IL12RB2: variants seen among roughly 807,000 people sequenced by gnomAD.
IL12RB2 encodes interleukin-12 receptor subunit beta-2.
A neutral mutation model predicts 89.4 loss-of-function variants in IL12RB2; 82 were observed. The ratio of observed to expected loss-of-function variants is 0.92; its 90% confidence interval spans 0.77 to 1.10. The LOEUF (loss-of-function observed/expected upper bound fraction) is 1.10, where lower values mean the gene tolerates loss of function less well. Among genes scored for constraint, IL12RB2 ranks in the 50% least tolerant of loss-of-function variants. The probability of loss-of-function intolerance (pLI) is 0.00; values close to 1 mark genes in which losing one functional copy is unlikely to be tolerated. For synonymous variants in IL12RB2, 368 were observed against 370.1 expected, an observed-to-expected ratio of 0.99 and a Z score of 0.07; for missense variants, 963 against 1,031.9, an observed-to-expected ratio of 0.93 and a Z score of 0.92.
At chr1:67,326,876 C>T in intron 5 of IL12RB2, 27 bp downstream of exon 5, 1 of 1,398,542 alleles carries the variant, frequency 7.2e-7, no homozygotes, top group East Asian at 2.5e-5. Flanking sequence ...ATTTTTGCAG[C>T]TGTTTTGTAG....
At position 67,330,828 on chromosome 1, in the gene IL12RB2, A is replaced by T. The variant is rs769155518; in HGVS notation, c.958+18A>T. 2.8e-6 allele frequency: 4 copies of T among 1,410,126 alleles called. No individual in the cohort carries two copies. Among genetic ancestry groups the T allele is most frequent in the Non-Finnish European group, 4.0e-6 (4 of 994,252 alleles). 87.4% of individuals were successfully genotyped at this position (1,410,126 alleles called of 1,614,324 possible). On this transcript the variant is annotated intron_variant, in intron 8 of 16. Coordinates refer to ENST00000674203, the MANE Select transcript of IL12RB2 (RefSeq NM_001374259.2). ...AGAAGAAGGTATATGTCCAAAATAT[A>T]CATACCTATCGGGGAGCAATAAAGG...
chr1:67,373,375 G>A (rs1050285910), intron 13 of IL12RB2, among the ~76,000 whole-genome samples: 5 of 152,238 alleles, frequency 3.3e-5, no homozygotes, highest in African/African-American at 1.2e-4. Flanking sequence ...CTCCCAAAGT[G>A]CTGTGATTAC....
rs755373990 is a variant in IL12RB2 at position 67,379,980 on chromosome 1, T to C, written c.1718-6T>C. 5 of 1,603,572 alleles carry C rather than the reference T, an allele frequency of 3.1e-6. No individual in the cohort carries two copies. The East Asian group carries it at 1.1e-4, about 36-fold the overall frequency. ...ACATGCCTTTCTTCCTTTATCTTCC[T>C]TTCAGAAATTCCCTACAGAGTCTCC... On this transcript the variant is annotated splice_polypyrimidine_tract_variant and splice_region_variant and intron_variant, in intron 13 of 16. Coordinates refer to ENST00000674203, the MANE Select transcript of IL12RB2 (RefSeq NM_001374259.2).
At chr1:67,388,246 T>C (rs1665434891) in intron 15 of IL12RB2, among the ~76,000 whole-genome samples, 1 of 152,182 alleles carries the variant, frequency 6.6e-6, no homozygotes, top group African/African-American at 2.4e-5. Flanking sequence ...GCCAAGTGCA[T>C]TGTCGTCCTA....
At chr1:67,381,724 C>T (rs541477798) in intron 14 of IL12RB2, among the ~76,000 whole-genome samples, 7 of 151,336 alleles carry the variant, frequency 4.6e-5, no homozygotes, top group South Asian at 4.2e-4. Context: ...CGAGATGGCA[C>T]CACTGCCCTC....
At chr1:67,390,255 T>G in intron 16 of IL12RB2, 127 bp downstream of exon 16, 1 of 678,278 alleles carries the variant, frequency 1.5e-6, no homozygotes, top group Admixed American at 2.0e-5. Context: ...TATTCACGCT[T>G]GGCTACCACT....
chr1:67,378,447 C>T (rs1329550793), intron 13 of IL12RB2, among the ~76,000 whole-genome samples: 1 of 147,274 alleles, frequency 6.8e-6, no homozygotes, highest in Non-Finnish European at 1.5e-5. Flanking sequence ...CAAATCTAAT[C>T]TAAGTATCGG....
chr1:67,320,444 G>A lies in IL12RB2; in HGVS notation c.76G>A (p.Asp26Asn). 7 of 1,613,730 alleles carry A rather than the reference G, an allele frequency of 4.3e-6. No homozygotes were observed. Among genetic ancestry groups the A allele is most frequent in the South Asian group, 1.1e-5 (1 of 91,074 alleles). Residue 26 changes from aspartate to asparagine, a missense_variant and splice_region_variant, in exon 3 of 17, where the codon GAT (aspartate) becomes AAT (asparagine). Coordinates refer to ENST00000674203, the MANE Select transcript of IL12RB2 (RefSeq NM_001374259.2). ...ITWLLIKAKI[D>N]ACKRGDVTVK... ...GTGGCTGTTGATTAAAGCAAAAATA[G>A]GTAAGATATTTCTGTAAGTTACTCT...
chr1:67,360,507 A>G (rs976197333), intron 10 of IL12RB2, among the ~76,000 whole-genome samples: 10 of 151,974 alleles, frequency 6.6e-5, no homozygotes, highest in African/African-American at 1.9e-4. Flanking sequence ...AAAATACATC[A>G]GAGTTGGCCA....
At chr1:67,394,752 G>C (rs1666186981) in intron 16 of IL12RB2, among the ~76,000 whole-genome samples, 1 of 152,118 alleles carries the variant, frequency 6.6e-6, no homozygotes, top group African/African-American at 2.4e-5. Flanking sequence ...ATAACTAGCA[G>C]GTTCCAAAAT....
chr1:67,315,874 G>A (rs945117372), intron 2 of IL12RB2, among the ~76,000 whole-genome samples: 1 of 152,166 alleles, frequency 6.6e-6, no homozygotes, highest in African/African-American at 2.4e-5. Flanking sequence ...AAACAGCAGG[G>A]AAGTCAAAGT....
chr1:67,370,037 C>T (rs1320327313), intron 11 of IL12RB2, among the ~76,000 whole-genome samples: 2 of 129,716 alleles, frequency 1.5e-5, no homozygotes, highest in Non-Finnish European at 3.5e-5. Flanking sequence ...AAAAAAAAAA[C>T]AATATACTAA....
At chr1:67,326,945 T>TTATTTATG (rs1185963891) in intron 5 of IL12RB2, 96 bp downstream of exon 5, 2 of 638,548 alleles carry the variant, frequency 3.1e-6, no homozygotes, top group East Asian at 1.9e-4. Flanking sequence ...TTATTTTATT[T>TTATTTATG]TATTTATTTA....
intron 2 of IL12RB2, 68 bp from the exon 3 acceptor site, chr1:67,320,265 C>G: frequency 5.0e-6 from 8 of 1,603,038 alleles, no homozygotes; most frequent in Non-Finnish European, 6.8e-6. Flanking sequence ...TGAAGCTCTT[C>G]TGAGCTATTT....
In IL12RB2 at chr1:67,350,925, A is replaced by G. The variant is rs1289101069; in HGVS notation, c.1094A>G (p.Gln365Arg). ...GKILHYQVTL[Q>R]ELTGGKAMTQ... ...ATTCTCCACTATCAGGTGACCTTGC[A>G]GGAGCTGACAGGAGGGAAAGCCATG... Residue 365 changes from glutamine (Q) to arginine (R), a missense_variant, in exon 10 of 17, where the codon CAG (glutamine) becomes CGG (arginine). Coordinates refer to ENST00000674203, the MANE Select transcript of IL12RB2 (RefSeq NM_001374259.2). The G allele has an allele frequency of 1.9e-6, 3 of 1,614,024 alleles. No homozygotes were observed. Among genetic ancestry groups the G allele is most frequent in the Non-Finnish European group, 2.5e-6 (3 of 1,180,008 alleles).
chr1:67,313,756 G>A (rs976896880), intron 1 of IL12RB2, among the ~76,000 whole-genome samples, 157 bp from the exon 2 acceptor site: 1 of 152,198 alleles, frequency 6.6e-6, no homozygotes, highest in Non-Finnish European at 1.5e-5. Flanking sequence ...AACCCAGGAG[G>A]TGGAGGTTGC....
intron 8 of IL12RB2, among the ~76,000 whole-genome samples, chr1:67,331,053 A>G (rs934783006): frequency 6.6e-6 from 1 of 152,254 alleles, no homozygotes; most frequent in Non-Finnish European, 1.5e-5. Flanking sequence ...GCTATCAGTC[A>G]TGTTGGTTAT....
At chr1:67,310,888 C>A (rs10128095) in intron 1 of IL12RB2, among the ~76,000 whole-genome samples, 23,275 of 152,010 alleles carry the variant, frequency 0.15, 1,842 homozygotes, top group Admixed American at 0.18. Context: ...GTATGCCCAG[C>A]TAATTTTTGT....
intron 10 of IL12RB2, among the ~76,000 whole-genome samples, chr1:67,367,348 T>C (rs1318014641): frequency 5.9e-5 from 9 of 151,516 alleles, no homozygotes; most frequent in Non-Finnish European, 1.2e-4. Context: ...TGATCTGTGC[T>C]TATGCCACTG....
Sources: gnomAD v4.1 joint callset for allele counts (sites outside exome capture counted in the v4.1 genomes callset) on GRCh38, gnomAD v4.1.1 for gene constraint, MANE v1.5 for transcripts, NCBI Gene and HGNC (gene_info 2026-07-23, HGNC 2026-07-21) for gene names.